MYT1L: variants seen among roughly 807,000 people sequenced by gnomAD.
MYT1L encodes myelin transcription factor 1-like protein.
In MYT1L, 12 loss-of-function variants were observed where a neutral mutation model predicts 126.7. That is an observed-to-expected ratio of 0.09 (90% CI 0.06 to 0.15). The LOEUF (loss-of-function observed/expected upper bound fraction) is 0.15, where lower values mean the gene tolerates loss of function less well. Ranked by LOEUF, MYT1L falls within the 10% of genes least tolerant of loss-of-function variation. MYT1L has a pLI of 1.00. For missense variants in MYT1L, 979 were observed against 1,585.2 expected (o/e 0.62, Z 6.49); for synonymous variants, 541 against 604.2 (o/e 0.90, Z 1.53).
chr2:2,148,500 G>A (rs2085235686), intron 3 of MYT1L, among the ~76,000 whole-genome samples: 1 of 152,168 alleles, frequency 6.6e-6, no homozygotes, highest in Admixed American at 6.5e-5. Flanking sequence ...GATAGGTAGT[G>A]GTCTGTGGTT....
chr2:2,052,439 A>G (rs1391226512), intron 4 of MYT1L, among the ~76,000 whole-genome samples: 1 of 152,210 alleles, frequency 6.6e-6, no homozygotes. Flanking sequence ...ATTGGGCAAC[A>G]TCAAAACTTA....
chr2:1,928,440 C>CT (rs947879069), intron 9 of MYT1L, among the ~76,000 whole-genome samples: 2 of 152,158 alleles, frequency 1.3e-5, no homozygotes, highest in African/African-American at 4.8e-5. Context: ...AACAGCAGAG[C>CT]TGGAGCCACC....
At chr2:1,944,406 G>A (rs777853636) in intron 8 of MYT1L, among the ~76,000 whole-genome samples, 8 of 152,092 alleles carry the variant, frequency 5.3e-5, no homozygotes, top group African/African-American at 1.4e-4. Context: ...GCAAACTACC[G>A]CAGGCAAATA....
At chr2:2,178,762 T>C (rs2091102765) in intron 2 of MYT1L, among the ~76,000 whole-genome samples, 1 of 152,174 alleles carries the variant, frequency 6.6e-6, no homozygotes, top group African/African-American at 2.4e-5. Context: ...TCTTCATTTT[T>C]AGATTTGGTC....
intron 3 of MYT1L, among the ~76,000 whole-genome samples, chr2:2,167,878 G>C (rs984534525): frequency 6.6e-6 from 1 of 152,116 alleles, no homozygotes; most frequent in African/African-American, 2.4e-5. Context: ...AGAATTCTCT[G>C]ATTCCATTTC....
At chr2:2,165,293 C>A (rs2088857581) in intron 3 of MYT1L, among the ~76,000 whole-genome samples, 1 of 151,636 alleles carries the variant, frequency 6.6e-6, no homozygotes, top group South Asian at 2.1e-4. Context: ...ACCAATCACA[C>A]ACACACACAC....
intron 5 of MYT1L, among the ~76,000 whole-genome samples, chr2:1,992,743 C>T (rs548412644): frequency 1.7e-4 from 26 of 152,186 alleles, no homozygotes; most frequent in South Asian, 4.1e-4. Context: ...ACGGCCCTTT[C>T]CCAAAGCAGA....
chr2:2,033,751 T>C (rs767758539), intron 4 of MYT1L, among the ~76,000 whole-genome samples: 1 of 152,150 alleles, frequency 6.6e-6, no homozygotes, highest in Non-Finnish European at 1.5e-5. Flanking sequence ...AGCTGTTTTG[T>C]CCCCATTCAG....
intron 14 of MYT1L, among the ~76,000 whole-genome samples, chr2:1,898,565 G>A (rs962743536): frequency 1.3e-5 from 2 of 152,160 alleles, no homozygotes; most frequent in East Asian, 1.9e-4. Flanking sequence ...AGGGTGGAGC[G>A]AATCTGCAGA....
At chr2:1,995,184 G>A (rs1488036073) in intron 5 of MYT1L, among the ~76,000 whole-genome samples, 1 of 151,668 alleles carries the variant, frequency 6.6e-6, no homozygotes, top group Non-Finnish European at 1.5e-5. Context: ...TCATCTGCAC[G>A]AACTATTCCA....
At position 1,806,850 on chromosome 2, in the gene MYT1L, G is replaced by C. The variant is rs2035801882; in HGVS notation, c.3172+2226C>G. 6.6e-6 allele frequency among the ~76,000 whole-genome samples: 1 copy of C among 152,204 alleles called. No homozygotes were observed. Among genetic ancestry groups the C allele is most frequent in the South Asian group, 2.1e-4 (1 of 4,834 alleles). On this transcript the variant is annotated intron_variant, in intron 22 of 24. Transcript: ENST00000647738. The surrounding 1 kb of genome is among the most constrained non-coding windows in gnomAD (Gnocchi z 4.9). Reference sequence around the variant, plus strand: ...AAAGGCACGTGGACTCGGATCAATTGTCTAAGGATTTCCACTTTAATCCAG... The same window carrying C: ...AAAGGCACGTGGACTCGGATCAATTCTCTAAGGATTTCCACTTTAATCCAG...
chr2:2,270,560 G>GA (rs1472495420), intron 2 of MYT1L, among the ~76,000 whole-genome samples: 1 of 151,922 alleles, frequency 6.6e-6, no homozygotes, highest in African/African-American at 2.4e-5. Flanking sequence ...CACGAGCAAT[G>GA]AAAAAATTAC....
intron 2 of MYT1L, among the ~76,000 whole-genome samples, chr2:2,236,961 G>A (rs2094337330): frequency 6.6e-6 from 1 of 151,864 alleles, no homozygotes; most frequent in African/African-American, 2.4e-5. Context: ...TTACAGGCAT[G>A]TGCCACCACA....
intron 2 of MYT1L, among the ~76,000 whole-genome samples, chr2:2,173,275 C>T (rs1264767827): frequency 6.6e-6 from 1 of 152,146 alleles, no homozygotes; most frequent in African/African-American, 2.4e-5. Flanking sequence ...ACCATATGCA[C>T]TTAATATTTA....
chr2:2,121,670 A>G (rs1420459511), intron 3 of MYT1L, among the ~76,000 whole-genome samples: 1 of 151,806 alleles, frequency 6.6e-6, no homozygotes, highest in Non-Finnish European at 1.5e-5. Flanking sequence ...TATTTTTGGT[A>G]GAGACGGGGT....
At chr2:1,904,032 T>C (rs2050713887) in intron 13 of MYT1L, among the ~76,000 whole-genome samples, 1 of 152,236 alleles carries the variant, frequency 6.6e-6, no homozygotes, top group Non-Finnish European at 1.5e-5. Context: ...GAAATAACTT[T>C]AGACTTGCAG....
intron 18 of MYT1L, among the ~76,000 whole-genome samples, chr2:1,856,451 T>C (rs1051373743): frequency 3.9e-5 from 6 of 152,322 alleles, no homozygotes; most frequent in Admixed American, 3.9e-4. Flanking sequence ...TTTCCATTGG[T>C]GCACATCACG....
chr2:1,948,729 G>C (rs1031556375), intron 8 of MYT1L, among the ~76,000 whole-genome samples: 4 of 143,212 alleles, frequency 2.8e-5, no homozygotes, highest in African/African-American at 1.0e-4. Context: ...CAGTGCCTCA[G>C]AGATGCTGTG....
At chr2:2,083,449 A>G (rs2150333042) in intron 3 of MYT1L, among the ~76,000 whole-genome samples, 1 of 152,330 alleles carries the variant, frequency 6.6e-6, no homozygotes, top group South Asian at 2.1e-4. Flanking sequence ...GGACCAACAC[A>G]GGCCTGCAGG....
Sources: gnomAD v4.1 joint callset for allele counts (sites outside exome capture counted in the v4.1 genomes callset) on GRCh38, gnomAD v4.1.1 for gene constraint, Gnocchi (gnomAD v3.1) non-coding constraint, MANE v1.5 for transcripts, NCBI Gene and HGNC (gene_info 2026-07-23, HGNC 2026-07-21) for gene names.